Variants in L3MBTL4 observed in about 807,000 individuals in gnomAD.
L3MBTL4 encodes L3MBTL histone methyl-lysine binding protein 4, also known as lethal(3)malignant brain tumor-like protein 4.
A neutral mutation model predicts 84.5 loss-of-function variants in L3MBTL4; 70 were observed. That is an observed-to-expected ratio of 0.83 (90% CI 0.68 to 1.01). L3MBTL4 has a LOEUF of 1.01. L3MBTL4 is among the 50% of genes least tolerant of loss of function. L3MBTL4 has a pLI of 0.00. For missense variants in L3MBTL4, 715 were observed against 754.8 expected (o/e 0.95, Z 0.62); for synonymous variants, 274 against 259.8 (o/e 1.05, Z -0.52).
chr18:6,055,996 A>G (rs1390635013), intron 16 of L3MBTL4, among the ~76,000 whole-genome samples: 1 of 152,088 alleles, frequency 6.6e-6, no homozygotes, highest in Admixed American at 6.6e-5. Context: ...TCAGAGTTGC[A>G]CTGGTCAGCC....
At chr18:6,067,686 A>G (rs1190007228) in intron 16 of L3MBTL4, among the ~76,000 whole-genome samples, 4 of 151,770 alleles carry the variant, frequency 2.6e-5, no homozygotes, top group Non-Finnish European at 5.9e-5. Context: ...TTTCATTCAT[A>G]TCCTAAATTT....
chr18:6,338,258 G>C (rs1268764309), intron 1 of L3MBTL4, among the ~76,000 whole-genome samples: 1 of 151,900 alleles, frequency 6.6e-6, no homozygotes, highest in African/African-American at 2.4e-5. Context: ...GTGGAGAGGA[G>C]AGGAGAGAGT....
intron 17 of L3MBTL4, among the ~76,000 whole-genome samples, chr18:5,968,527 G>A (rs680832): frequency 0.025 from 3,791 of 151,732 alleles, 147 homozygotes; most frequent in African/African-American, 0.082. Context: ...ATGAGACCCC[G>A]TATCCACAAA....
At chr18:6,068,012 A>T (rs1294345226) in intron 16 of L3MBTL4, among the ~76,000 whole-genome samples, 1 of 151,850 alleles carries the variant, frequency 6.6e-6, no homozygotes, top group East Asian at 1.9e-4. Context: ...TTTAATGTTT[A>T]TCATTTATTA....
intron 16 of L3MBTL4, among the ~76,000 whole-genome samples, chr18:5,974,626 G>A (rs921957573): frequency 1.6e-4 from 24 of 152,084 alleles, no homozygotes; most frequent in African/African-American, 3.6e-4. Flanking sequence ...ACAGACTTGC[G>A]ACACGAGGCA....
At chr18:6,172,053 C>T (rs1047040291) in intron 12 of L3MBTL4, 111 bp from the exon 13 acceptor site, 2 of 552,878 alleles carry the variant, frequency 3.6e-6, no homozygotes, top group Non-Finnish European at 6.5e-6. Context: ...TTTTATTGAT[C>T]ACACCTTGCA....
chr18:6,369,103 G>C (rs532444489), intron 1 of L3MBTL4, among the ~76,000 whole-genome samples: 1 of 151,528 alleles, frequency 6.6e-6, no homozygotes, highest in Non-Finnish European at 1.5e-5. Context: ...TTAGTCCAAG[G>C]AAGAGAAGGT....
rs74507210 is a variant in L3MBTL4, at chr18:6,071,079, T to C, written c.1444+9802A>G. 1.4e-3 allele frequency among the ~76,000 whole-genome samples: 213 copies of C among 151,704 alleles called. 6 individuals carry two copies. In the East Asian group the frequency reaches 0.032, roughly 23 times the overall value. On this transcript the variant is annotated intron_variant, in intron 16 of 18. Transcript: ENST00000317931. Reference sequence around the variant, plus strand: ...ATTGAATACAAACTACTGAGAAAAATAGAAAACAATTATAGAGATGGTAGC... The same window carrying C: ...ATTGAATACAAACTACTGAGAAAAACAGAAAACAATTATAGAGATGGTAGC...
chr18:5,969,608 A>T (rs373702353), intron 16 of L3MBTL4, 46 bp from the exon 17 acceptor site: 1 of 1,552,640 alleles, frequency 6.4e-7, no homozygotes, highest in African/African-American at 1.4e-5. Flanking sequence ...CCCAGAGAGC[A>T]AGCACTGCTG....
intron 4 of L3MBTL4, among the ~76,000 whole-genome samples, chr18:6,270,966 A>G (rs1250008724): frequency 2.6e-5 from 4 of 152,198 alleles, no homozygotes; most frequent in Non-Finnish European, 5.9e-5. Context: ...TGGCAACACA[A>G]TAGTCCAAAC....
At chr18:6,221,652 C>A (rs1387033904) in intron 10 of L3MBTL4, among the ~76,000 whole-genome samples, 11 of 152,190 alleles carry the variant, frequency 7.2e-5, no homozygotes, top group Non-Finnish European at 1.6e-4. Context: ...CTCTAGGCTG[C>A]TGGGCCTGAA....
At chr18:6,132,576 C>G (rs2059907041) in intron 14 of L3MBTL4, among the ~76,000 whole-genome samples, 1 of 152,178 alleles carries the variant, frequency 6.6e-6, no homozygotes, top group Non-Finnish European at 1.5e-5. Flanking sequence ...ATTTTTTTCT[C>G]TAAGCTTCAT....
chr18:6,381,010 G>A lies in L3MBTL4; in HGVS notation c.-91+33791C>T, dbSNP rs185090764. On this transcript the variant is annotated intron_variant, in intron 1 of 18. Coordinates refer to ENST00000317931, the MANE Select transcript of L3MBTL4 (RefSeq NM_001330559.2). ...ATGCATCTGGGTGCTACTGTATGGG[G>A]TGCATATATATTTAGGATACTTAGC... Among the ~76,000 whole-genome samples, 12 of 152,230 alleles carry A rather than the reference G, an allele frequency of 7.9e-5. No homozygotes were observed. In the East Asian group the frequency reaches 2.3e-3, roughly 29 times the overall value.
chr18:6,139,875 T>C (rs895837935), intron 13 of L3MBTL4, among the ~76,000 whole-genome samples: 2 of 152,116 alleles, frequency 1.3e-5, no homozygotes, highest in African/African-American at 4.8e-5. Context: ...GCTTCCACTA[T>C]CTGCCCACTG....
At chr18:6,032,817 G>C (rs1001090393) in intron 16 of L3MBTL4, among the ~76,000 whole-genome samples, 1 of 152,020 alleles carries the variant, frequency 6.6e-6, no homozygotes, top group Non-Finnish European at 1.5e-5. Context: ...TTGTCTTTTT[G>C]TTACTGGCTT....
intron 1 of L3MBTL4, among the ~76,000 whole-genome samples, chr18:6,378,337 T>A (rs2054457087): frequency 6.6e-6 from 1 of 152,244 alleles, no homozygotes; most frequent in East Asian, 1.9e-4. Flanking sequence ...ATCCCATTTG[T>A]CAATTTTGGC....
intron 16 of L3MBTL4, among the ~76,000 whole-genome samples, chr18:6,036,428 T>C (rs1308313351): frequency 1.3e-5 from 2 of 152,194 alleles, no homozygotes; most frequent in East Asian, 3.8e-4. Context: ...ACTTCAGCTA[T>C]TGTGCTTTTC....
At chr18:6,118,798 GGTAA>G (rs2059435787) in intron 14 of L3MBTL4, among the ~76,000 whole-genome samples, 1 of 152,028 alleles carries the variant, frequency 6.6e-6, no homozygotes, top group South Asian at 2.1e-4. Context: ...TTAAAATACT[GGTAA>G]GTAACACCAA....
rs55759877 is a variant in L3MBTL4 at position 6,038,409 on chromosome 18, G to A, written c.1444+42472C>T. Reference sequence around the variant, plus strand: ...GTTGGGACTATAGGCGTCCGCCACCGCGACCGGTTAACTTTTTTGTATTTT... The same window carrying A: ...GTTGGGACTATAGGCGTCCGCCACCACGACCGGTTAACTTTTTTGTATTTT... On this transcript the variant is annotated intron_variant, in intron 16 of 18. Coordinates refer to ENST00000317931, the MANE Select transcript of L3MBTL4 (RefSeq NM_001330559.2). Among the ~76,000 whole-genome samples the A allele has an allele frequency of 2.9e-3, 435 of 151,910 alleles. 1 individual carries two copies. Among genetic ancestry groups the A allele is most frequent in the Non-Finnish European group, 4.8e-3 (323 of 67,948 alleles).
Sources: gnomAD v4.1 joint callset for allele counts (sites outside exome capture counted in the v4.1 genomes callset) on GRCh38, gnomAD v4.1.1 for gene constraint, MANE v1.5 for transcripts, NCBI Gene and HGNC (gene_info 2026-07-23, HGNC 2026-07-21) for gene names.